Variants in ITGA9 observed in about 807,000 individuals in gnomAD.
The protein encoded by ITGA9 is integrin subunit alpha 9.
A neutral mutation model predicts 127.8 loss-of-function variants in ITGA9; 56 were observed. The observed-to-expected ratio is 0.44, with a 90% CI of 0.35 to 0.55. The LOEUF (loss-of-function observed/expected upper bound fraction) is 0.55, where lower values mean the gene tolerates loss of function less well. Ranked by LOEUF, ITGA9 falls within the 20% of genes least tolerant of loss-of-function variation. The pLI is 0.00. For missense variants in ITGA9, 1,196 were observed against 1,347.1 expected, an observed-to-expected ratio of 0.89 and a Z score of 1.76; for synonymous variants, 508 against 514.5, an observed-to-expected ratio of 0.99 and a Z score of 0.17.
intron 4 of ITGA9, among the ~76,000 whole-genome samples, chr3:37,488,402 A>G (rs1004199494): frequency 6.6e-6 from 1 of 152,070 alleles, no homozygotes; most frequent in African/African-American, 2.4e-5. Flanking sequence ...ATGTGCCTGT[A>G]TTATTACTTG....
At chr3:37,512,013 CTTTTCTTTTCTTTT>C (rs1345743403) in intron 8 of ITGA9, among the ~76,000 whole-genome samples, 550 of 35,392 alleles carry the variant, frequency 0.016, 21 homozygotes, top group East Asian at 0.024. Context: ...CTTTTCTTTT[CTTTTCTTTTCTTTT>C]CTTTCTTTCT....
intron 27 of ITGA9, among the ~76,000 whole-genome samples, chr3:37,813,559 T>C (rs1396896809): frequency 1.3e-5 from 2 of 152,266 alleles, no homozygotes; most frequent in Non-Finnish European, 2.9e-5. Flanking sequence ...TGACTTGCAT[T>C]TATTGAGAAC....
At chr3:37,705,001 C>T (rs1186027647) in intron 18 of ITGA9, among the ~76,000 whole-genome samples, 1 of 152,142 alleles carries the variant, frequency 6.6e-6, no homozygotes. Context: ...GCAAAGATAA[C>T]CATTTACTCT....
rs1418010234 is a variant in ITGA9, at chr3:37,614,942, T to C, written c.1690-14245T>C. ...ACAATTTGACTTCCTCTTTTCCTAA[T>C]TGAATACCCTTTATTTCCTTCTCCT... is the stretch of plus-strand genomic sequence containing the variant. On this transcript the variant is annotated intron_variant, in intron 15 of 27. Coordinates refer to ENST00000264741, the MANE Select transcript of ITGA9 (RefSeq NM_002207.3). Among the ~76,000 whole-genome samples, 8 of 152,312 alleles carry C rather than the reference T, an allele frequency of 5.3e-5. No homozygotes were observed. In the East Asian group the frequency reaches 1.5e-3, roughly 29 times the overall value.
intron 11 of ITGA9, among the ~76,000 whole-genome samples, chr3:37,522,933 G>C (rs1699059024): frequency 6.6e-6 from 1 of 151,990 alleles, no homozygotes; most frequent in Admixed American, 6.6e-5. Flanking sequence ...AGATTTACTG[G>C]GTAAAACTGT....
intron 15 of ITGA9, among the ~76,000 whole-genome samples, chr3:37,611,454 A>G (rs1700015570): frequency 6.6e-6 from 1 of 152,130 alleles, no homozygotes; most frequent in East Asian, 1.9e-4. Context: ...CCTTGTTAAA[A>G]CCAGTAGGAA....
intron 27 of ITGA9, chr3:37,808,437 G>A (rs778343363): frequency 6.6e-6 from 1 of 152,148 alleles, no homozygotes; most frequent in Non-Finnish European, 1.5e-5. Flanking sequence ...CTGGGGAGGA[G>A]ACTCTCAGAA....
At chr3:37,710,410 A>C (rs916655204) in intron 18 of ITGA9, among the ~76,000 whole-genome samples, 22 of 147,270 alleles carry the variant, frequency 1.5e-4, no homozygotes, top group African/African-American at 4.2e-4. Context: ...TCCCCCCCCC[A>C]CACACATAAA....
chr3:37,465,144 G>A (rs1372864166), intron 1 of ITGA9, among the ~76,000 whole-genome samples: 1 of 152,212 alleles, frequency 6.6e-6, no homozygotes, highest in Non-Finnish European at 1.5e-5. Context: ...CGCTGCTGTG[G>A]TGTTTGTGGG....
Position 37,772,538 on chromosome 3 carries a change from G to A in ITGA9, c.2542-4854G>A, listed in dbSNP as rs933402058. Reference sequence around the variant, plus strand: ...AAGGGCCATGCAAGTGTTAGGTGCCGTTGTCATGGCTGTCACATTGGTACC... The same window carrying A: ...AAGGGCCATGCAAGTGTTAGGTGCCATTGTCATGGCTGTCACATTGGTACC... On this transcript the variant is annotated intron_variant, in intron 23 of 27. Transcript: ENST00000264741. Among the ~76,000 whole-genome samples the A allele has an allele frequency of 2.0e-5, 3 of 151,930 alleles. 1 individual carries two copies. In the South Asian group the frequency reaches 6.2e-4, roughly 32 times the overall value.
chr3:37,746,052 T>C (rs1234054554), intron 22 of ITGA9: 2 of 152,246 alleles, frequency 1.3e-5, no homozygotes, highest in Non-Finnish European at 2.9e-5. Context: ...TGACTACTTA[T>C]TTATTGGTAT....
At chr3:37,778,504 G>A (rs778147901) in intron 24 of ITGA9, among the ~76,000 whole-genome samples, 2 of 151,920 alleles carry the variant, frequency 1.3e-5, no homozygotes, top group Non-Finnish European at 2.9e-5. Context: ...TGTAATCCCA[G>A]CTACTAGGGA....
intron 14 of ITGA9, among the ~76,000 whole-genome samples, chr3:37,540,937 C>T (rs1699259423): frequency 6.6e-6 from 1 of 152,242 alleles, no homozygotes; most frequent in Admixed American, 6.5e-5. Context: ...CAAGTTGGGG[C>T]AGATGGCTCT....
rs565059880 is a variant in ITGA9 at position 37,645,749 on chromosome 3, C to T, written c.1840-7965C>T. 5.3e-5 allele frequency among the ~76,000 whole-genome samples: 8 copies of T among 152,246 alleles called. No individual in the cohort carries two copies. The East Asian group carries it at 1.2e-3, about 22-fold the overall frequency. On this transcript the variant is annotated intron_variant, in intron 16 of 27. Transcript: ENST00000264741. ...TTGTATTTTTTAAAAGCAAATATCACCAAGTCCAAGAAACTGATCCTCCTC... is the reference window on the plus strand; with the variant it reads ...TTGTATTTTTTAAAAGCAAATATCATCAAGTCCAAGAAACTGATCCTCCTC...
intron 23 of ITGA9, among the ~76,000 whole-genome samples, chr3:37,761,131 G>A (rs1696718513): frequency 6.6e-6 from 1 of 152,146 alleles, no homozygotes; most frequent in Non-Finnish European, 1.5e-5. Context: ...ATAGAAAGAT[G>A]CCTAGCCTCA....
intron 18 of ITGA9, among the ~76,000 whole-genome samples, chr3:37,710,991 A>C (rs1370990617): frequency 6.6e-6 from 1 of 152,148 alleles, no homozygotes; most frequent in Non-Finnish European, 1.5e-5. Context: ...TAGCCCTCAT[A>C]GTGGGTTGGG....
intron 17 of ITGA9, among the ~76,000 whole-genome samples, chr3:37,670,666 T>C (rs2125656250): frequency 6.6e-6 from 1 of 152,352 alleles, no homozygotes; most frequent in Non-Finnish European, 1.5e-5. Context: ...TTCAGAGTTA[T>C]AGCATTAGAT....
Position 37,629,339 on chromosome 3 carries a change from C to T in ITGA9, c.1839+3C>T. ...AAAAGATTGCCCAAAAGAATCAGGTCAGAACCTTAAAGCTCATACTCAGCA... is the reference window on the plus strand; with the variant it reads ...AAAAGATTGCCCAAAAGAATCAGGTTAGAACCTTAAAGCTCATACTCAGCA... On this transcript the variant is annotated splice_donor_region_variant and intron_variant, in intron 16 of 27. Coordinates refer to ENST00000264741, the MANE Select transcript of ITGA9 (RefSeq NM_002207.3). This position sits in a 1 kb window ranked among gnomAD's most constrained non-coding sequence, Gnocchi z 4.5. 1.9e-6 allele frequency: 3 copies of T among 1,613,968 alleles called. No homozygotes were observed. The East Asian group carries it at 6.7e-5, about 36-fold the overall frequency.
chr3:37,772,517 G>A (rs1168688064), intron 23 of ITGA9, among the ~76,000 whole-genome samples: 1 of 151,988 alleles, frequency 6.6e-6, no homozygotes, highest in East Asian at 1.9e-4. Flanking sequence ...TGCAGTAAGG[G>A]CCATGCAAGT....
Sources: gnomAD v4.1 joint callset for allele counts (sites outside exome capture counted in the v4.1 genomes callset) on GRCh38, gnomAD v4.1.1 for gene constraint, Gnocchi (gnomAD v3.1) non-coding constraint, MANE v1.5 for transcripts, NCBI Gene and HGNC (gene_info 2026-07-23, HGNC 2026-07-21) for gene names.